S100A6: variants seen among roughly 807,000 people sequenced by gnomAD.
S100A6 encodes the protein S100 calcium binding protein A6.
Under a neutral mutation model 3.5 loss-of-function variants are expected in S100A6, and 3 were observed. That is an observed-to-expected ratio of 0.87 (90% CI 0.39 to 2.24). The LOEUF (loss-of-function observed/expected upper bound fraction) is 2.24. Among genes scored for constraint, S100A6 ranks in the 30% most tolerant of loss-of-function variants. The pLI, the probability that S100A6 is intolerant of heterozygous loss-of-function variation, is 0.05. For missense variants in S100A6, 114 were observed against 105.3 expected, an observed-to-expected ratio of 1.08 and a Z score of -0.36; for synonymous variants, 48 against 45.2, an observed-to-expected ratio of 1.06 and a Z score of -0.25.
chr1:153,535,565 A>G (rs971505103), intron 1 of S100A6, among the ~76,000 whole-genome samples: 1 of 152,238 alleles, frequency 6.6e-6, no homozygotes, highest in African/African-American at 2.4e-5. Context: ...TAAGGATTCT[A>G]AGAAGCATAT....
At chr1:153,535,402 T>C (rs968157353) in intron 1 of S100A6, 42 bp from the exon 2 acceptor site, 5 of 1,594,224 alleles carry the variant, frequency 3.1e-6, no homozygotes, top group Non-Finnish European at 3.4e-6. Context: ...GAGCAAGGAC[T>C]TCTCACCCAC....
chr1:153,535,515 A>G, intron 1 of S100A6, 155 bp from the exon 2 acceptor site: 1 of 775,192 alleles, frequency 1.3e-6, no homozygotes. Context: ...CTTGAAGGGG[A>G]AGGAGAGAGC....
rs1665138965 is a variant in S100A6, at chr1:153,534,946, G to A, written c.139-116C>T. The stretch of plus-strand genomic sequence containing the variant: ...TGGCTCTGTGCTCCCTCATCACCAA[G>A]GACCCATGTCACTTTGGCATTGCTT... On this transcript the variant is annotated intron_variant, in intron 2 of 2. Transcript: ENST00000368719. The A allele has an allele frequency of 1.3e-5, 17 of 1,351,860 alleles. No individual in the cohort carries two copies. In the South Asian group the frequency reaches 2.2e-4, roughly 18 times the overall value. The allele number at this position is 1,351,860 out of a possible 1,614,324, so 83.7% of individuals were successfully genotyped here.
At chr1:153,535,417 C>G (rs1202216988) in intron 1 of S100A6, 57 bp from the exon 2 acceptor site, 1 of 1,558,844 alleles carries the variant, frequency 6.4e-7, no homozygotes, top group East Asian at 2.3e-5. Context: ...ACCCACACAC[C>G]CCAATAATGC....
intron 1 of S100A6, 144 bp from the exon 2 acceptor site, chr1:153,535,504 G>A: frequency 1.2e-6 from 1 of 852,534 alleles, no homozygotes; most frequent in Non-Finnish European, 1.8e-6. Context: ...ACAGCCCAGG[G>A]CTTGAAGGGG....
In S100A6 at chr1:153,535,220, C is replaced by A. The variant is rs762586541; in HGVS notation, c.120G>T (p.Lys40Asn). The change falls in exon 2 of 3, where the codon AAG (lysine) becomes AAT (asparagine). Residue 40 changes from lysine to asparagine, a missense_variant. By Grantham distance (94) the Lys-to-Asn change is moderately conservative (BLOSUM62 0). Transcript: ENST00000368719. ...CACTCACCGAGCCAATGGTGAGCTCCTTCTGGATCAGCTCCTTCAGCTCCT... is the reference window on the plus strand; with the variant it reads ...CACTCACCGAGCCAATGGTGAGCTCATTCTGGATCAGCTCCTTCAGCTCCT... ...SKKELKELIQ[K>N]ELTIGSKLQD... 1 of 1,614,176 alleles carries A rather than the reference C, an allele frequency of 6.2e-7. No individual in the cohort carries two copies. The highest frequency in any genetic ancestry group is 1.7e-5 in the Admixed American group (1 of 60,018).
chr1:153,535,654 G>A (rs1046706167), intron 1 of S100A6: 8 of 280,674 alleles, frequency 2.9e-5, no homozygotes, highest in South Asian at 2.7e-4. Flanking sequence ...GGGCAGGGGA[G>A]GGGAATGGAG....
In S100A6 at chr1:153,534,820, T is replaced by A. The variant is rs764836554; in HGVS notation, c.149A>T (p.Asp50Val). ...KELTIGSKLQ[D>V]AEIARLMEDL... Reference sequence around the variant, plus strand: ...TTCCATCAGCCTTGCAATTTCAGCATCCTGCAGCTTCTAATGTGTTAGAAT... The same window carrying A: ...TTCCATCAGCCTTGCAATTTCAGCAACCTGCAGCTTCTAATGTGTTAGAAT... Residue 50 changes from aspartate to valine, a missense_variant, in exon 3 of 3, where the codon GAT (aspartate) becomes GTT (valine). Coordinates refer to ENST00000368719, the MANE Select transcript of S100A6 (RefSeq NM_014624.4). 1 of 1,612,320 alleles carries A rather than the reference T, an allele frequency of 6.2e-7. No individual in the cohort carries two copies. Among genetic ancestry groups the A allele is most frequent in the East Asian group, 2.2e-5 (1 of 44,868 alleles).
At position 153,534,917 on chromosome 1, in the gene S100A6, C is replaced by T. The variant is rs1665138628; in HGVS notation, c.139-87G>A. ...TCCCCCTCCCAGGCAATCCTCTCTG[C>T]AAGTGGCTCTGTGCTCCCTCATCAC... On this transcript the variant is annotated intron_variant, in intron 2 of 2. Transcript: ENST00000368719. The T allele has an allele frequency of 5.9e-6, 9 of 1,517,422 alleles. No homozygotes were observed. In the Admixed American group the frequency reaches 1.7e-4, roughly 29 times the overall value. 94.0% of individuals were successfully genotyped at this position (1,517,422 alleles called of 1,614,324 possible).
rs759515401 is a variant in S100A6 at position 153,534,661 on chromosome 1, C to T, written c.*35G>A. The stretch of plus-strand genomic sequence containing the variant: ...ACCACTGGATTTGACTCAGAGAGGA[C>T]CCCCAGAGGGTGTCTCCATCTTCCC... On this transcript the variant is annotated 3_prime_UTR_variant, in exon 3 of 3. Transcript: ENST00000368719. The T allele has an allele frequency of 3.2e-6, 5 of 1,552,462 alleles. No homozygotes were observed. Among genetic ancestry groups the T allele is most frequent in the Non-Finnish European group, 3.5e-6 (4 of 1,150,496 alleles).
Position 153,534,648 on chromosome 1 carries a change from G to C in S100A6, c.*48C>G. ...TGTACAATTACCCACCACTGGATTTGACTCAGAGAGGACCCCCAGAGGGTG... is the reference window on the plus strand; with the variant it reads ...TGTACAATTACCCACCACTGGATTTCACTCAGAGAGGACCCCCAGAGGGTG... On this transcript the variant is annotated 3_prime_UTR_variant, in exon 3 of 3. Coordinates refer to ENST00000368719, the MANE Select transcript of S100A6 (RefSeq NM_014624.4). The C allele has an allele frequency of 6.6e-7, 1 of 1,518,650 alleles. No individual in the cohort carries two copies. The highest frequency in any genetic ancestry group is 2.4e-5 in the East Asian group (1 of 41,474). The allele number at this position is 1,518,650 out of a possible 1,614,324, so 94.1% of individuals were successfully genotyped here. A position where few individuals can be genotyped will look rare whatever the true frequency, so the allele number is the denominator to read the frequency against.
At chr1:153,535,689 C>T (rs1571229689) in intron 1 of S100A6, 1 of 226,512 alleles carries the variant, frequency 4.4e-6, no homozygotes, top group East Asian at 1.1e-4. Flanking sequence ...TTAAACACAG[C>T]TTCACAGGGC....
At chr1:153,535,410 C>A in intron 1 of S100A6, 50 bp from the exon 2 acceptor site, 1 of 1,581,700 alleles carries the variant, frequency 6.3e-7, no homozygotes, top group Non-Finnish European at 8.6e-7. Context: ...ACTTCTCACC[C>A]ACACACCCCA....
At chr1:153,535,644 G>A in intron 1 of S100A6, 1 of 290,636 alleles carries the variant, frequency 3.4e-6, no homozygotes, top group East Asian at 7.0e-5. Flanking sequence ...GAGTATGGCT[G>A]GGCAGGGGAG....
intron 2 of S100A6, 79 bp from the exon 3 acceptor site, chr1:153,534,909 C>T: frequency 6.5e-7 from 1 of 1,539,696 alleles, no homozygotes; most frequent in Non-Finnish European, 8.8e-7. Flanking sequence ...CCCAGGCAAT[C>T]CTCTCTGCAA....
chr1:153,534,775 T>G lies in S100A6; in HGVS notation c.194A>C (p.Asp65Ala). The change falls in exon 3 of 3, where the codon GAC (aspartate) becomes GCC (alanine). Residue 65 changes from aspartate (D) to alanine (A), a missense_variant. Coordinates refer to ENST00000368719, the MANE Select transcript of S100A6 (RefSeq NM_014624.4). Reference sequence around the variant, plus strand: ...ATACTCCTGGAAGTTCACCTCCTGGTCCTTGTTCCGGTCCAAGTCTTCCAT... The same window carrying G: ...ATACTCCTGGAAGTTCACCTCCTGGGCCTTGTTCCGGTCCAAGTCTTCCAT... ...RLMEDLDRNKDQEVNFQEYVT... is the reference protein window; with the variant it reads ...RLMEDLDRNKAQEVNFQEYVT... 1 of 1,614,038 alleles carries G rather than the reference T, an allele frequency of 6.2e-7. No individual in the cohort carries two copies. The highest frequency in any genetic ancestry group is 8.5e-7 in the Non-Finnish European group (1 of 1,179,972).
Position 153,534,830 on chromosome 1 carries a change from T to C in S100A6, c.139A>G (p.Lys47Glu). 6.2e-7 allele frequency: 1 copy of C among 1,610,904 alleles called. No individual in the cohort carries two copies. Among genetic ancestry groups the C allele is most frequent in the East Asian group, 2.2e-5 (1 of 44,862 alleles). ...LIQKELTIGSKLQDAEIARLM... is the reference protein window; with the variant it reads ...LIQKELTIGSELQDAEIARLM... ...CTTGCAATTTCAGCATCCTGCAGCT[T>C]CTAATGTGTTAGAATGTGAAATCCA... Residue 47 changes from lysine to glutamate, a missense_variant and splice_region_variant, in exon 3 of 3, where the codon AAG becomes GAG. Transcript: ENST00000368719.
chr1:153,534,736 C>T lies in S100A6; in HGVS notation c.233G>A (p.Gly78Glu). Residue 78 changes from glycine to glutamate, a missense_variant, in exon 3 of 3, where the codon GGG becomes GAG. Physicochemically the swap from Gly to Glu is moderately conservative, Grantham distance 98 (BLOSUM62 -2). Coordinates refer to ENST00000368719, the MANE Select transcript of S100A6 (RefSeq NM_014624.4). Reference protein sequence around the residue: ...VNFQEYVTFLGALALIYNEAL... With the variant: ...VNFQEYVTFLEALALIYNEAL... The stretch of plus-strand genomic sequence containing the variant: ...TTCATTGTAGATCAAAGCCAAGGCC[C>T]CCAGGAAGGTGACATACTCCTGGAA... 6.2e-7 allele frequency: 1 copy of T among 1,613,792 alleles called. No individual in the cohort carries two copies.
rs1404976823 is a variant in S100A6, at chr1:153,535,346, G to A, written c.-7C>T. 1.9e-6 allele frequency: 3 copies of A among 1,613,690 alleles called. No individual in the cohort carries two copies. The highest frequency in any genetic ancestry group is 8.5e-7 in the Non-Finnish European group (1 of 1,179,898). ...GATCCAGGGGGCATGCCATGGCTGA[G>A]GGCTGGGCTTGGAGCTGGCAGCAGA... On this transcript the variant is annotated 5_prime_UTR_variant, in exon 2 of 3. Transcript: ENST00000368719.
Sources: gnomAD v4.1 joint callset for allele counts (sites outside exome capture counted in the v4.1 genomes callset) on GRCh38, gnomAD v4.1.1 for gene constraint, MANE v1.5 for transcripts, NCBI Gene and HGNC (gene_info 2026-07-23, HGNC 2026-07-21) for gene names.